The following EVI5 variants were observed in gnomAD, a reference collection of about 807,000 sequenced individuals.
EVI5 encodes the protein ecotropic viral integration site 5 protein homolog.
Under a neutral mutation model 112.0 loss-of-function variants are expected in EVI5, and 73 were observed. The observed-to-expected ratio is 0.65, with a 90% CI of 0.54 to 0.79. EVI5 has a LOEUF of 0.79. Among genes scored for constraint, EVI5 ranks in the 30% least tolerant of loss-of-function variants. The probability of loss-of-function intolerance (pLI) is 0.00; values close to 1 mark genes in which losing one functional copy is unlikely to be tolerated. For synonymous variants in EVI5, 305 were observed against 319.9 expected (o/e 0.95, Z 0.50); for missense variants, 900 against 968.8 (o/e 0.93, Z 0.94).
chr1:92,570,733 A>G (rs1670208431), intron 18 of EVI5, among the ~76,000 whole-genome samples: 2 of 152,314 alleles, frequency 1.3e-5, no homozygotes, highest in South Asian at 4.1e-4. Flanking sequence ...TGGTAAAACA[A>G]AAATCATTAA....
intron 1 of EVI5, among the ~76,000 whole-genome samples, chr1:92,763,485 T>C (rs534812417): frequency 2.7e-4 from 41 of 151,880 alleles, no homozygotes; most frequent in African/African-American, 9.7e-4. Flanking sequence ...CATGGTGGTG[T>C]GTGCCTGTAG....
chr1:92,698,119 T>C, intron 5 of EVI5, 134 bp from the exon 6 acceptor site: 1 of 751,570 alleles, frequency 1.3e-6, no homozygotes, highest in Non-Finnish European at 2.2e-6. Flanking sequence ...TTAAGAGCAA[T>C]GAGGTAAGAA....
intron 10 of EVI5, among the ~76,000 whole-genome samples, chr1:92,672,151 G>A (rs924326514): frequency 3.3e-5 from 5 of 152,070 alleles, no homozygotes; most frequent in Non-Finnish European, 5.9e-5. Flanking sequence ...CCACATCAGC[G>A]TTCATCAGAA....
intron 1 of EVI5, among the ~76,000 whole-genome samples, chr1:92,744,545 T>C (rs1014972797): frequency 3.9e-5 from 6 of 151,994 alleles, no homozygotes; most frequent in Non-Finnish European, 7.4e-5. Context: ...TTCTCCTTCT[T>C]AAGTTTGCTT....
At chr1:92,624,083 CTTTTATCTCTG>C in intron 16 of EVI5, 82 bp downstream of exon 16, 3 of 1,159,176 alleles carry the variant, frequency 2.6e-6, no homozygotes, top group Non-Finnish European at 3.7e-6. Context: ...ATATCTTTAC[CTTTTATCTCTG>C]TTCTAGGGAT....
In EVI5 at chr1:92,655,445, A is replaced by G. The variant is rs562610238; in HGVS notation, c.1392+7274T>C. Among the ~76,000 whole-genome samples, 5 of 152,272 alleles carry G rather than the reference A, an allele frequency of 3.3e-5. No individual in the cohort carries two copies. The East Asian group carries it at 7.7e-4, about 23-fold the overall frequency. ...CAAGCAAATGCTAACAGAATTCATC[A>G]CCATTAGACCAGCCTTACAAGAAAT... On this transcript the variant is annotated intron_variant, in intron 13 of 19. Transcript: ENST00000684568.
At chr1:92,783,202 G>C (rs1685085614) in intron 1 of EVI5, among the ~76,000 whole-genome samples, 1 of 151,966 alleles carries the variant, frequency 6.6e-6, no homozygotes, top group Non-Finnish European at 1.5e-5. Flanking sequence ...AAAGTTCTCG[G>C]AAATCGTAGT....
chr1:92,788,918 T>C (rs965748575), upstream of EVI5, among the ~76,000 whole-genome samples: 3 of 152,242 alleles, frequency 2.0e-5, no homozygotes, highest in Non-Finnish European at 4.4e-5. Flanking sequence ...ACATACACTA[T>C]TTCGTTTAAT....
At chr1:92,782,914 G>A (rs550428997) in intron 1 of EVI5, among the ~76,000 whole-genome samples, 7 of 152,130 alleles carry the variant, frequency 4.6e-5, no homozygotes, top group Non-Finnish European at 7.4e-5. Context: ...CGACCTCCCC[G>A]GCTTTGGTGA....
chr1:92,693,795 T>C lies in EVI5; in HGVS notation c.1097+7A>G. 1 of 1,479,732 alleles carries C rather than the reference T, an allele frequency of 6.8e-7. No individual in the cohort carries two copies. Among genetic ancestry groups the C allele is most frequent in the Non-Finnish European group, 9.4e-7 (1 of 1,064,794 alleles). The allele number at this position is 1,479,732 out of a possible 1,614,324, so 91.7% of individuals were successfully genotyped here. On this transcript the variant is annotated splice_region_variant and intron_variant, in intron 9 of 19. Transcript: ENST00000684568. ...CTGAATTTCCAACAAAAATATAAAA[T>C]ACTTACTTTTTCATTTTTTTTGAAT...
intron 19 of EVI5, among the ~76,000 whole-genome samples, chr1:92,562,443 T>C (rs1259682668): frequency 6.6e-6 from 1 of 151,924 alleles, no homozygotes; most frequent in Non-Finnish European, 1.5e-5. Flanking sequence ...GGCAGAAGAA[T>C]GGCATGAACC....
At chr1:92,784,798 G>GC (rs1364260726) in intron 1 of EVI5, 38 bp downstream of exon 1, 494 of 984,262 alleles carry the variant, frequency 5.0e-4, no homozygotes, top group Non-Finnish European at 5.5e-4. Flanking sequence ...CGCCCGCCCG[G>GC]CCTCCCGGCC....
intron 16 of EVI5, among the ~76,000 whole-genome samples, chr1:92,607,950 C>A (rs1650813619): frequency 6.6e-6 from 1 of 151,830 alleles, no homozygotes; most frequent in Middle Eastern, 3.2e-3. Context: ...TCAAGACCAT[C>A]CCGGCTAACG....
intron 18 of EVI5, among the ~76,000 whole-genome samples, chr1:92,577,642 G>A (rs553103775): frequency 6.6e-6 from 1 of 152,190 alleles, no homozygotes; most frequent in Non-Finnish European, 1.5e-5. Flanking sequence ...ATTTTATAGA[G>A]TAGGTGGATG....
chr1:92,683,493 C>T (rs979752002), intron 9 of EVI5, among the ~76,000 whole-genome samples: 1 of 152,130 alleles, frequency 6.6e-6, no homozygotes, highest in African/African-American at 2.4e-5. Flanking sequence ...CACAGAGCAC[C>T]TCTTCGCCTC....
intron 2 of EVI5, among the ~76,000 whole-genome samples, chr1:92,726,707 T>C (rs11578004): frequency 0.2 from 30,372 of 152,118 alleles, 3,538 homozygotes; most frequent in Non-Finnish European, 0.26. Flanking sequence ...TAATTGACTG[T>C]TGAGTTAAAA....
chr1:92,654,864 C>A (rs1662743198), intron 13 of EVI5, among the ~76,000 whole-genome samples: 1 of 151,910 alleles, frequency 6.6e-6, no homozygotes, highest in Non-Finnish European at 1.5e-5. Flanking sequence ...CTAAACCCAG[C>A]AGAAAAAACA....
chr1:92,511,910 AT>A lies in EVI5; in HGVS notation c.*1745del, dbSNP rs879415788. 102 of 146,596 alleles carry A rather than the reference AT, an allele frequency of 7.0e-4. No individual in the cohort carries two copies. The highest frequency in any genetic ancestry group is 6.1e-4 in the Admixed American group (9 of 14,682). 9.1% of individuals were successfully genotyped at this position (146,596 alleles called of 1,614,324 possible). A position where few individuals can be genotyped will look rare whatever the true frequency, so the allele number is the denominator to read the frequency against. On this transcript the variant is annotated 3_prime_UTR_variant, in exon 20 of 20. Coordinates refer to ENST00000684568, the MANE Select transcript of EVI5 (RefSeq NM_001350197.2). ...TTTTATCTCTTCTACTCTATTTCAT[AT>A]TTTTTTTTTTGCCGCATGCAACATA...
intron 1 of EVI5, among the ~76,000 whole-genome samples, chr1:92,746,241 T>C (rs1164096220): frequency 6.6e-6 from 1 of 152,224 alleles, no homozygotes; most frequent in African/African-American, 2.4e-5. Context: ...CTGTCCGAGT[T>C]GTGAATCGTT....
Sources: allele counts gnomAD v4.1 joint callset (sites outside exome capture counted in the v4.1 genomes callset), GRCh38; gene constraint gnomAD v4.1.1; transcripts MANE v1.5; gene names NCBI Gene and HGNC (gene_info 2026-07-23, HGNC 2026-07-21).